Variants in CFAP61 observed in about 807,000 individuals in gnomAD.
The protein encoded by CFAP61 is cilia and flagella associated protein 61.
Under a neutral mutation model 135.6 loss-of-function variants are expected in CFAP61, and 107 were observed. That is an observed-to-expected ratio of 0.79 (90% CI 0.67 to 0.93). CFAP61 has a LOEUF of 0.93. Among genes scored for constraint, CFAP61 ranks in the 40% least tolerant of loss-of-function variants. CFAP61 has a pLI of 0.00. For synonymous variants in CFAP61, 575 were observed against 578.5 expected, an observed-to-expected ratio of 0.99 and a Z score of 0.09; for missense variants, 1,507 against 1,556.2, an observed-to-expected ratio of 0.97 and a Z score of 0.53.
chr20:20,349,036 G>C (rs893761112), intron 26 of CFAP61, among the ~76,000 whole-genome samples: 1 of 152,166 alleles, frequency 6.6e-6, no homozygotes, highest in African/African-American at 2.4e-5. Flanking sequence ...CATCCACACT[G>C]GAAAGGAAGA....
chr20:20,334,412 C>T (rs970368744), intron 25 of CFAP61, among the ~76,000 whole-genome samples: 16 of 152,204 alleles, frequency 1.1e-4, no homozygotes, highest in African/African-American at 3.9e-4. Flanking sequence ...CAGGCATAAG[C>T]CGCTGTGTGT....
intron 25 of CFAP61, among the ~76,000 whole-genome samples, chr20:20,314,690 C>G (rs1483722915): frequency 8.1e-6 from 1 of 123,098 alleles, no homozygotes; most frequent in East Asian, 2.7e-4. Flanking sequence ...TCCCCCACCC[C>G]CCCACCCCAC....
intron 8 of CFAP61, among the ~76,000 whole-genome samples, chr20:20,142,591 C>A (rs2051496599): frequency 6.6e-6 from 1 of 152,216 alleles, no homozygotes; most frequent in African/African-American, 2.4e-5. Context: ...ATCTTCCCAT[C>A]TCCACAACTC....
chr20:20,307,563 A>G (rs1426998271), intron 25 of CFAP61, among the ~76,000 whole-genome samples: 1 of 152,174 alleles, frequency 6.6e-6, no homozygotes, highest in Non-Finnish European at 1.5e-5. Context: ...CCCCTCCCAA[A>G]TTAATACAAA....
At chr20:20,332,270 C>A (rs1031768816) in intron 25 of CFAP61, among the ~76,000 whole-genome samples, 1 of 152,182 alleles carries the variant, frequency 6.6e-6, no homozygotes, top group Admixed American at 6.5e-5. Flanking sequence ...TAAATAGAAA[C>A]AAAATTCTTA....
intron 13 of CFAP61, among the ~76,000 whole-genome samples, chr20:20,177,685 C>T (rs2054738089): frequency 6.6e-6 from 1 of 150,378 alleles, no homozygotes; most frequent in Non-Finnish European, 1.5e-5. Context: ...GGGGGGCCTG[C>T]ATTCTAGATG....
Position 20,170,219 on chromosome 20 carries a change from C to A in CFAP61, c.1385+759C>A, listed in dbSNP as rs375506802. 3.3e-5 allele frequency among the ~76,000 whole-genome samples: 5 copies of A among 152,224 alleles called. 1 individual carries two copies. The highest frequency in any genetic ancestry group is 9.6e-5 in the African/African-American group (4 of 41,536). On this transcript the variant is annotated intron_variant, in intron 13 of 26. Coordinates refer to ENST00000245957, the MANE Select transcript of CFAP61 (RefSeq NM_015585.4). ...AAAGTGAGTGAAGATTGACCTTTAT[C>A]CTGTCTCAGAATGGGAAAGTTCTTT...
chr20:20,126,145 G>C (rs749668629), intron 8 of CFAP61, among the ~76,000 whole-genome samples: 1 of 151,702 alleles, frequency 6.6e-6, no homozygotes, highest in African/African-American at 2.4e-5. Context: ...TGGTTGGTGA[G>C]TTCTTATCAA....
intron 8 of CFAP61, among the ~76,000 whole-genome samples, chr20:20,130,293 A>G (rs893721950): frequency 6.7e-6 from 1 of 148,438 alleles, no homozygotes; most frequent in Non-Finnish European, 1.5e-5. Context: ...TGTCTCAGAA[A>G]TAAAAAAAAA....
At chr20:20,107,026 T>C (rs1333654505) in intron 8 of CFAP61, among the ~76,000 whole-genome samples, 1 of 152,214 alleles carries the variant, frequency 6.6e-6, no homozygotes, top group Non-Finnish European at 1.5e-5. Flanking sequence ...CTGCTGACTT[T>C]TCTCTTGAAA....
At chr20:20,271,141 T>TA (rs1006485606) in intron 21 of CFAP61, among the ~76,000 whole-genome samples, 1 of 151,900 alleles carries the variant, frequency 6.6e-6, no homozygotes, top group African/African-American at 2.4e-5. Context: ...AAGTTTTTTT[T>TA]AAAAACTAGC....
rs2054105579 is a variant in CFAP61, at chr20:20,280,304, G to A, written c.2796+2846G>A. On this transcript the variant is annotated intron_variant, in intron 22 of 26. Coordinates refer to ENST00000245957, the MANE Select transcript of CFAP61 (RefSeq NM_015585.4). ...GGCAGGAATTGCTAGCAACCGTCAG[G>A]AAGTAGGAAGAGGCAGGGAAGCCTT... Among the ~76,000 whole-genome samples, 2 of 152,180 alleles carry A rather than the reference G, an allele frequency of 1.3e-5. 1 individual carries two copies. The highest frequency in any genetic ancestry group is 4.1e-4 in the South Asian group (2 of 4,826).
intron 22 of CFAP61, among the ~76,000 whole-genome samples, chr20:20,282,896 G>T (rs913550173): frequency 3.3e-5 from 5 of 150,616 alleles, no homozygotes; most frequent in Non-Finnish European, 7.4e-5. Flanking sequence ...CCCAGATGGC[G>T]CCATTGCACT....
intron 18 of CFAP61, among the ~76,000 whole-genome samples, chr20:20,235,804 G>T (rs2049544317): frequency 6.6e-6 from 1 of 152,134 alleles, no homozygotes; most frequent in Non-Finnish European, 1.5e-5. Flanking sequence ...AAACAGCCCC[G>T]CCTGAAAACA....
At chr20:20,070,762 T>C (rs1249889878) in intron 2 of CFAP61, 92 bp from the exon 3 acceptor site, 1 of 1,171,132 alleles carries the variant, frequency 8.5e-7, no homozygotes, top group African/African-American at 1.5e-5. Context: ...CAGTGGCTGC[T>C]GAGCTCCAGT....
chr20:20,337,274 G>A (rs1602077914), intron 25 of CFAP61, among the ~76,000 whole-genome samples: 4 of 98,942 alleles, frequency 4.0e-5, no homozygotes, highest in East Asian at 3.6e-4. Flanking sequence ...GAATGGGTGG[G>A]TGGATGGATG....
intron 8 of CFAP61, among the ~76,000 whole-genome samples, chr20:20,107,303 G>C (rs1192791949): frequency 6.6e-6 from 1 of 152,200 alleles, no homozygotes; most frequent in African/African-American, 2.4e-5. Flanking sequence ...TACTGGGTCA[G>C]AGGCCTTCTC....
At chr20:20,192,722 C>G (rs2056013769) in intron 15 of CFAP61, among the ~76,000 whole-genome samples, 1 of 152,120 alleles carries the variant, frequency 6.6e-6, no homozygotes, top group Non-Finnish European at 1.5e-5. Flanking sequence ...CCTGACCTGA[C>G]ACAGTTCTAG....
At chr20:20,219,664 A>G (rs535066052) in intron 17 of CFAP61, among the ~76,000 whole-genome samples, 58 of 152,330 alleles carry the variant, frequency 3.8e-4, no homozygotes, top group African/African-American at 1.3e-3. Flanking sequence ...ACAACCAACA[A>G]TATAAATTTT....
Sources: gnomAD v4.1 joint callset for allele counts (sites outside exome capture counted in the v4.1 genomes callset) on GRCh38, gnomAD v4.1.1 for gene constraint, MANE v1.5 for transcripts, NCBI Gene and HGNC (gene_info 2026-07-23, HGNC 2026-07-21) for gene names.